TCEA3: variants seen among roughly 807,000 people sequenced by gnomAD.
TCEA3 encodes transcription elongation factor A protein 3.
Under a neutral mutation model 44.0 loss-of-function variants are expected in TCEA3, and 36 were observed. The observed-to-expected ratio is 0.82, with a 90% CI of 0.63 to 1.08. TCEA3 has a LOEUF of 1.08. TCEA3 is among the 50% of genes least tolerant of loss of function. The pLI is 0.00. For synonymous variants in TCEA3, 162 were observed against 159.7 expected, an observed-to-expected ratio of 1.01 and a Z score of -0.11; for missense variants, 392 against 441.2, an observed-to-expected ratio of 0.89 and a Z score of 1.00.
At chr1:23,384,221 C>T (rs1298094974) in intron 10 of TCEA3, 125 bp downstream of exon 10, 2 of 1,566,864 alleles carry the variant, frequency 1.3e-6, no homozygotes, top group African/African-American at 2.7e-5. Context: ...CTCTGCAGAC[C>T]TACTCTGTGC....
At chr1:23,404,028 G>A (rs916709488) in intron 5 of TCEA3, 5 of 678,280 alleles carry the variant, frequency 7.4e-6, no homozygotes, top group Non-Finnish European at 1.4e-5. Context: ...CTGCTCCCCG[G>A]ATGTGCCCGC....
chr1:23,414,212 C>T (rs1342235422), intron 4 of TCEA3, among the ~76,000 whole-genome samples: 2 of 151,646 alleles, frequency 1.3e-5, no homozygotes, highest in African/African-American at 2.4e-5. Flanking sequence ...CCTCCTCAGC[C>T]TCCCAAGTAG....
Position 23,419,204 on chromosome 1 carries a change from T to C in TCEA3, c.70-65A>G. 3 of 1,309,420 alleles carry C rather than the reference T, an allele frequency of 2.3e-6. No homozygotes were observed. The South Asian group carries it at 4.1e-5, about 18-fold the overall frequency. 81.1% of individuals were successfully genotyped at this position (1,309,420 alleles called of 1,614,324 possible). A position where few individuals can be genotyped will look rare whatever the true frequency, so the allele number is the denominator to read the frequency against. On this transcript the variant is annotated intron_variant, in intron 1 of 10. Transcript: ENST00000450454. ...TGACCAGGCTTCTCTGACTATTGTG[T>C]GGTCTTGGTACAGAGAGCAGGAGGA...
At chr1:23,413,983 G>GATAT (rs1311853612) in intron 4 of TCEA3, among the ~76,000 whole-genome samples, 2 of 60,180 alleles carry the variant, frequency 3.3e-5, no homozygotes, top group African/African-American at 1.0e-4. Context: ...AGTCTAGCAG[G>GATAT]ATGTATATAT....
chr1:23,395,192 A>G (rs1289023414), intron 7 of TCEA3, among the ~76,000 whole-genome samples: 1 of 152,260 alleles, frequency 6.6e-6, no homozygotes, highest in Non-Finnish European at 1.5e-5. Context: ...AATGCATGTG[A>G]AAGCCAAAAA....
rs1639104472 is a variant in TCEA3 at position 23,392,883 on chromosome 1, G to A, written c.819+996C>T. Among the ~76,000 whole-genome samples, 4 of 152,194 alleles carry A rather than the reference G, an allele frequency of 2.6e-5. No homozygotes were observed. The South Asian group carries it at 6.2e-4, about 24-fold the overall frequency. ...CTGGAAGACAGTTTTTCCATGGACA[G>A]GGTGGGGGATGGTTTCAGGATGATT... On this transcript the variant is annotated intron_variant, in intron 8 of 10. Coordinates refer to ENST00000450454, the MANE Select transcript of TCEA3 (RefSeq NM_003196.3).
intron 1 of TCEA3, among the ~76,000 whole-genome samples, chr1:23,423,236 G>A (rs571573980): frequency 2.6e-5 from 4 of 152,188 alleles, no homozygotes; most frequent in Non-Finnish European, 4.4e-5. Context: ...ACCTGGCTGC[G>A]TAGAAGCAGG....
intron 5 of TCEA3, among the ~76,000 whole-genome samples, chr1:23,399,932 T>A (rs1639348831): frequency 6.6e-6 from 1 of 152,216 alleles, no homozygotes; most frequent in Non-Finnish European, 1.5e-5. Flanking sequence ...TGCCTTGGCC[T>A]CCCAAAGTGT....
intron 6 of TCEA3, 40 bp downstream of exon 6, chr1:23,397,752 G>C: frequency 6.2e-7 from 1 of 1,613,326 alleles, no homozygotes; most frequent in Non-Finnish European, 8.5e-7. Flanking sequence ...TGGGAAAAGG[G>C]ACTCCTTCCC....
In TCEA3 at chr1:23,408,708, G is replaced by T. The variant is rs1330749556; in HGVS notation, c.399C>A (p.Ser133=). 2 of 1,610,282 alleles carry T rather than the reference G, an allele frequency of 1.2e-6. No homozygotes were observed. The highest frequency in any genetic ancestry group is 1.7e-6 in the Non-Finnish European group (2 of 1,178,504). ...DPKTRRDSVD[S]KSSASSSPKR... is the part of the protein sequence containing the mutation. ...TTGGAGAGGAGGAGGCAGAAGACTT[G>T]GAGTCCACAGAGTCTCTCCTGAAAG... Residue 133 remains serine, a synonymous_variant, in exon 5 of 11, where the codon TCC becomes TCA. Transcript: ENST00000450454.
chr1:23,381,107 G>T lies in TCEA3; in HGVS notation c.*359C>A. The T allele has an allele frequency of 4.2e-6, 1 of 235,886 alleles. No homozygotes were observed. The highest frequency in any genetic ancestry group is 1.0e-4 in the East Asian group (1 of 9,768). The allele number at this position is 235,886 out of a possible 1,614,324, so 14.6% of individuals were successfully genotyped here. On this transcript the variant is annotated 3_prime_UTR_variant, in exon 11 of 11. Transcript: ENST00000450454. The stretch of plus-strand genomic sequence containing the variant: ...TATTTTTTCTTTTTATAGAGATGGG[G>T]TCTTGCTGTGTTGCCTGGGCTGGAC...
In TCEA3 at chr1:23,386,030, A is replaced by G. The variant is rs138048721; in HGVS notation, c.966+1243T>C. Among the ~76,000 whole-genome samples the G allele has an allele frequency of 5.1e-4, 78 of 152,226 alleles. 1 individual carries two copies. Among genetic ancestry groups the G allele is most frequent in the Non-Finnish European group, 8.4e-4 (57 of 68,000 alleles). ...AACTGTCTATGACTCTTCAGCCGCC[A>G]TGAGTCTGATTCTTCTTATTGTCAC... On this transcript the variant is annotated intron_variant, in intron 9 of 10. Coordinates refer to ENST00000450454, the MANE Select transcript of TCEA3 (RefSeq NM_003196.3).
At position 23,424,725 on chromosome 1, in the gene TCEA3, G is replaced by C. The variant is rs1005621049; in HGVS notation, c.-92C>G. On this transcript the variant is annotated 5_prime_UTR_variant, in exon 1 of 11. Transcript: ENST00000450454. ...CGCGAAGGCGGAGGGCGCGCAACCC[G>C]CGCGGGCCCCAAACACACACGACAC... is the stretch of plus-strand genomic sequence containing the variant. 1.0e-6 allele frequency: 1 copy of C among 966,494 alleles called. No homozygotes were observed. The highest frequency in any genetic ancestry group is 1.7e-5 in the African/African-American group (1 of 60,034). The allele number at this position is 966,494 out of a possible 1,614,324, so 59.9% of individuals were successfully genotyped here.
rs546668878 is a variant in TCEA3 at position 23,414,149 on chromosome 1, C to T, written c.380+3100G>A. The stretch of plus-strand genomic sequence containing the variant: ...TAGCACAGGCTGGCGTGCAGTGGCA[C>T]GCTCTCAGCTCACTGAAACCTCCGC... On this transcript the variant is annotated intron_variant, in intron 4 of 10. Transcript: ENST00000450454. 4.6e-5 allele frequency among the ~76,000 whole-genome samples: 7 copies of T among 152,168 alleles called. No homozygotes were observed. In the East Asian group the frequency reaches 5.8e-4, roughly 13 times the overall value.
chr1:23,385,898 C>G (rs966035969), intron 9 of TCEA3, among the ~76,000 whole-genome samples: 1 of 152,148 alleles, frequency 6.6e-6, no homozygotes, highest in African/African-American at 2.4e-5. Flanking sequence ...TGACATTGGC[C>G]TCCTTTCTTG....
At chr1:23,409,428 C>G (rs1012502871) in intron 4 of TCEA3, among the ~76,000 whole-genome samples, 1 of 152,124 alleles carries the variant, frequency 6.6e-6, no homozygotes, top group Non-Finnish European at 1.5e-5. Flanking sequence ...TATAGTTATT[C>G]CTTTTACTGG....
intron 4 of TCEA3, among the ~76,000 whole-genome samples, chr1:23,416,934 A>G (rs1639908456): frequency 6.6e-6 from 1 of 152,200 alleles, no homozygotes; most frequent in South Asian, 2.1e-4. Context: ...GGTGGGCCAG[A>G]GAAGAGCTCT....
chr1:23,420,217 G>A (rs866100834), intron 1 of TCEA3, among the ~76,000 whole-genome samples: 1 of 152,142 alleles, frequency 6.6e-6, no homozygotes. Flanking sequence ...TTACTGAGTG[G>A]TTTCCACTGT....
chr1:23,416,000 CTT>C (rs768819564), intron 4 of TCEA3, among the ~76,000 whole-genome samples: 7,404 of 118,484 alleles, frequency 0.062, 331 homozygotes, highest in African/African-American at 0.24. Context: ...CTACATTTTC[CTT>C]TTTTTTTTTT....
Sources: gnomAD v4.1 joint callset for allele counts (sites outside exome capture counted in the v4.1 genomes callset) on GRCh38, gnomAD v4.1.1 for gene constraint, MANE v1.5 for transcripts, NCBI Gene and HGNC (gene_info 2026-07-23, HGNC 2026-07-21) for gene names.